KIF13B: variants seen among roughly 807,000 people sequenced by gnomAD.
KIF13B encodes the protein kinesin-like protein KIF13B.
Under a neutral mutation model 222.0 loss-of-function variants are expected in KIF13B, and 127 were observed. The ratio of observed to expected loss-of-function variants is 0.57; its 90% CI spans 0.50 to 0.66. KIF13B has a LOEUF of 0.66. Ranked by LOEUF, KIF13B falls within the 30% of genes least tolerant of loss-of-function variation. The probability of loss-of-function intolerance (pLI) is 0.00; values close to 1 mark genes in which losing one functional copy is unlikely to be tolerated. For missense variants in KIF13B, 2,173 were observed against 2,379.0 expected, an observed-to-expected ratio of 0.91 and a Z score of 1.80; for synonymous variants, 976 against 919.0, an observed-to-expected ratio of 1.06 and a Z score of -1.12.
intron 2 of KIF13B, 51 bp downstream of exon 2, chr8:29,245,295 G>T: frequency 1.6e-6 from 2 of 1,237,570 alleles, no homozygotes; most frequent in Non-Finnish European, 2.3e-6. Context: ...AGCCACAGTT[G>T]CTTCCAGTTA....
chr8:29,231,171 C>T (rs1265907606), intron 2 of KIF13B, among the ~76,000 whole-genome samples: 6 of 152,176 alleles, frequency 3.9e-5, no homozygotes, highest in African/African-American at 1.2e-4. Flanking sequence ...TGAACCACCA[C>T]GCCCGGACGT....
Position 29,071,794 on chromosome 8 carries a change from C to T in KIF13B, c.5044G>A (p.Ala1682Thr), listed in dbSNP as rs1807290602. The change falls in exon 39 of 40, where the codon GCC becomes ACC. Residue 1682 changes from alanine (A) to threonine (T), a missense_variant. Physicochemically the swap from Ala to Thr is moderately conservative, Grantham distance 58. Around this residue, in one of 2 missense-constraint regions of KIF13B, gnomAD observed 693 missense variants for 656.2 expected, o/e 1.06. Coordinates refer to ENST00000524189, the MANE Select transcript of KIF13B (RefSeq NM_015254.4). This position sits in a 1 kb window ranked among gnomAD's most constrained non-coding sequence, Gnocchi z 4.9. The part of the protein sequence containing the change: ...GAEGNAPAPG[A>T]GGQALASDSE... ...TCAGAGGCCAGGGCCTGTCCCCCGG[C>T]GCCCGGGGCCGGCGCATTCCCCTCG... 2 of 1,546,674 alleles carry T rather than the reference C, an allele frequency of 1.3e-6. No homozygotes were observed. Among genetic ancestry groups the T allele is most frequent in the Non-Finnish European group, 1.7e-6 (2 of 1,146,276 alleles).
At chr8:29,098,742 GA>G (rs548500889) in intron 36 of KIF13B, among the ~76,000 whole-genome samples, 2 of 146,450 alleles carry the variant, frequency 1.4e-5, no homozygotes, top group Admixed American at 1.4e-4. Context: ...AACTCTCCCA[GA>G]AAAAAAAAAT....
chr8:29,194,189 G>A (rs906113611), intron 3 of KIF13B, among the ~76,000 whole-genome samples: 3 of 151,260 alleles, frequency 2.0e-5, no homozygotes, highest in Non-Finnish European at 4.4e-5. Context: ...TCAATCTGTG[G>A]TTGGTTGAAC....
intron 32 of KIF13B, among the ~76,000 whole-genome samples, chr8:29,111,132 T>G (rs1381978445): frequency 2.0e-5 from 3 of 152,230 alleles, no homozygotes; most frequent in Non-Finnish European, 4.4e-5. Context: ...CATCTGAGCC[T>G]TGTAATAACC....
intron 2 of KIF13B, among the ~76,000 whole-genome samples, chr8:29,242,040 C>A (rs1465903533): frequency 6.6e-6 from 1 of 152,154 alleles, no homozygotes; most frequent in Non-Finnish European, 1.5e-5. Context: ...GAGGCTCCCA[C>A]TCTCCATGGG....
At chr8:29,197,967 A>C (rs1813515488) in intron 2 of KIF13B, among the ~76,000 whole-genome samples, 1 of 152,232 alleles carries the variant, frequency 6.6e-6, no homozygotes, top group African/African-American at 2.4e-5. Flanking sequence ...AGGGCCTGAA[A>C]CCTGAAAGGA....
At chr8:29,179,305 A>G (rs1213589859) in intron 8 of KIF13B, among the ~76,000 whole-genome samples, 1 of 152,050 alleles carries the variant, frequency 6.6e-6, no homozygotes, top group Admixed American at 6.6e-5. Context: ...TTCTGTAGAA[A>G]TGGAGTCTCA....
intron 35 of KIF13B, among the ~76,000 whole-genome samples, chr8:29,107,754 G>GT (rs993708895): frequency 2.0e-5 from 3 of 151,864 alleles, no homozygotes; most frequent in African/African-American, 7.3e-5. Flanking sequence ...TAGAGACGGG[G>GT]TTTCACCGTG....
chr8:29,072,410 G>A (rs1807341455), intron 38 of KIF13B, 94 bp from the exon 39 acceptor site: 1 of 812,432 alleles, frequency 1.2e-6, no homozygotes, highest in South Asian at 3.5e-5. Context: ...CATGAGGCCA[G>A]GGGCAGTGGC....
intron 8 of KIF13B, 124 bp from the exon 9 acceptor site, chr8:29,177,702 A>G: frequency 4.1e-5 from 29 of 706,556 alleles, no homozygotes; most frequent in Non-Finnish European, 6.4e-5. Flanking sequence ...AGGATTTCAA[A>G]AACAGCCTGG....
At chr8:29,085,849 CAA>C (rs752162185) in intron 37 of KIF13B, among the ~76,000 whole-genome samples, 15 of 67,358 alleles carry the variant, frequency 2.2e-4, no homozygotes, top group East Asian at 1.8e-3. Context: ...GAGCCCGTAA[CAA>C]AAAAAAAAAA....
chr8:29,173,501 G>A (rs184353709), intron 10 of KIF13B, among the ~76,000 whole-genome samples: 119 of 149,028 alleles, frequency 8.0e-4, no homozygotes, highest in Admixed American at 2.1e-3. Flanking sequence ...TGGTGGTGTA[G>A]TCCCAACTAC....
intron 38 of KIF13B, among the ~76,000 whole-genome samples, chr8:29,072,707 C>A (rs1434610753): frequency 1.3e-5 from 2 of 152,112 alleles, no homozygotes; most frequent in Admixed American, 1.3e-4. Context: ...ACAGCCCCTG[C>A]CCCATCTACT....
chr8:29,257,270 G>T (rs1298463778), intron 1 of KIF13B, among the ~76,000 whole-genome samples: 1 of 152,008 alleles, frequency 6.6e-6, no homozygotes, highest in Non-Finnish European at 1.5e-5. Flanking sequence ...GGACTTGCAT[G>T]GAGTGGACCA....
At chr8:29,262,616 G>A (rs910531350) in intron 1 of KIF13B, among the ~76,000 whole-genome samples, 1 of 151,706 alleles carries the variant, frequency 6.6e-6, no homozygotes, top group Non-Finnish European at 1.5e-5. Flanking sequence ...GGCGGGGAAG[G>A]AGCGAGGCTG....
intron 37 of KIF13B, among the ~76,000 whole-genome samples, chr8:29,091,431 A>G (rs1250655173): frequency 6.6e-6 from 1 of 152,216 alleles, no homozygotes; most frequent in Non-Finnish European, 1.5e-5. Flanking sequence ...CCTTCACCAA[A>G]CAGCAACTGA....
intron 7 of KIF13B, 82 bp downstream of exon 7, chr8:29,181,837 A>C: frequency 1.1e-6 from 1 of 923,744 alleles, no homozygotes; most frequent in East Asian, 2.5e-5. Context: ...CAATTTTTAA[A>C]AATAACAAAT....
intron 2 of KIF13B, among the ~76,000 whole-genome samples, chr8:29,230,938 C>G (rs973140544): frequency 6.6e-6 from 1 of 152,156 alleles, no homozygotes; most frequent in Non-Finnish European, 1.5e-5. Flanking sequence ...GTAGTGCAAT[C>G]ACACCATCAC....
Sources: gnomAD v4.1 joint callset for allele counts (sites outside exome capture counted in the v4.1 genomes callset) on GRCh38, gnomAD v4.1.1 for gene constraint, gnomAD v4.1.1 regional missense constraint, Gnocchi (gnomAD v3.1) non-coding constraint, MANE v1.5 for transcripts, NCBI Gene and HGNC (gene_info 2026-07-23, HGNC 2026-07-21) for gene names.